The following DTNBP1 variants were observed in gnomAD, a reference collection of about 807,000 sequenced individuals.
DTNBP1 encodes the protein dystrobrevin binding protein 1, also known as dysbindin.
In DTNBP1, 35 loss-of-function variants were observed where a neutral mutation model predicts 42.8. That is an observed-to-expected ratio of 0.82 (90% CI 0.63 to 1.09). The LOEUF (loss-of-function observed/expected upper bound fraction) is 1.09. Ranked by LOEUF, DTNBP1 falls within the 50% of genes least tolerant of loss-of-function variation. The pLI is 0.00. For synonymous variants in DTNBP1, 171 were observed against 162.2 expected, an observed-to-expected ratio of 1.05 and a Z score of -0.41; for missense variants, 457 against 424.2, an observed-to-expected ratio of 1.08 and a Z score of -0.68.
At chr6:15,651,249 A>G (rs1760974457) in intron 3 of DTNBP1, 64 bp downstream of exon 3, 44 of 1,449,900 alleles carry the variant, frequency 3.0e-5, no homozygotes, top group Non-Finnish European at 3.9e-5. Context: ...TACAAAATTA[A>G]AAGATATTTT....
intron 7 of DTNBP1, among the ~76,000 whole-genome samples, chr6:15,551,501 C>A (rs1363602110): frequency 6.6e-6 from 1 of 152,166 alleles, no homozygotes; most frequent in Non-Finnish European, 1.5e-5. Context: ...AGAAGCCATG[C>A]CCTGACTTGT....
At chr6:15,585,698 A>T (rs921756458) in intron 7 of DTNBP1, 27 of 1,534,606 alleles carry the variant, frequency 1.8e-5, no homozygotes, top group Admixed American at 3.9e-5. Context: ...AAGGAAAAAC[A>T]GAAAATAAAG....
chr6:15,639,702 C>T (rs1364102021), intron 3 of DTNBP1, among the ~76,000 whole-genome samples: 6 of 152,212 alleles, frequency 3.9e-5, no homozygotes, highest in Non-Finnish European at 5.9e-5. Flanking sequence ...ACCAGAACTG[C>T]TGAGATATAA....
At position 15,523,168 on chromosome 6, in the gene DTNBP1, G is replaced by A; in HGVS notation, c.863C>T (p.Pro288Leu). 1 of 1,614,236 alleles carries A rather than the reference G, an allele frequency of 6.2e-7. No homozygotes were observed. The highest frequency in any genetic ancestry group is 8.5e-7 in the Non-Finnish European group (1 of 1,180,044). Residue 288 changes from proline (P) to leucine (L), a missense_variant, in exon 10 of 10, where the codon CCC becomes CTC. Coordinates refer to ENST00000344537, the MANE Select transcript of DTNBP1 (RefSeq NM_032122.5). ...AGGTGGCTTGGCTCTTAATTCTGAG[G>A]GATTTGGAACCTGGAGGGTAATCTC... The part of the protein sequence containing the change: ...QNEITLQVPN[P>L]SELRAKPPSS...
rs766488666 is a variant in DTNBP1, at chr6:15,533,314, A to C, written c.593T>G (p.Phe198Cys). The change falls in exon 8 of 10, where the codon TTT becomes TGT. Residue 198 changes from phenylalanine (F) to cysteine (C), a missense_variant. Phe to Cys is a radical substitution (Grantham distance 205, BLOSUM62 -2). Transcript: ENST00000344537. ...GTCCTGCTGGAAGGCTTCCTCAAAA[A>C]ACTTCTGCCGCTCCTTCAGCTTCAT... ...QQMKLKERQK[F>C]FEEAFQQDME... The C allele has an allele frequency of 1.9e-6, 3 of 1,614,018 alleles. No individual in the cohort carries two copies. The highest frequency in any genetic ancestry group is 2.7e-5 in the African/African-American group (2 of 74,898).
At chr6:15,547,660 A>G (rs2113391885) in intron 7 of DTNBP1, among the ~76,000 whole-genome samples, 1 of 152,334 alleles carries the variant, frequency 6.6e-6, no homozygotes, top group Non-Finnish European at 1.5e-5. Flanking sequence ...CTTATGGGTG[A>G]CAATAACGGA....
chr6:15,629,710 C>T (rs999307832), intron 4 of DTNBP1, among the ~76,000 whole-genome samples: 8 of 152,130 alleles, frequency 5.3e-5, no homozygotes, highest in Non-Finnish European at 8.8e-5. Flanking sequence ...CAACTCTATA[C>T]ACTAAGCAAT....
intron 7 of DTNBP1, among the ~76,000 whole-genome samples, chr6:15,586,924 T>G (rs1776102204): frequency 6.6e-6 from 1 of 152,246 alleles, no homozygotes; most frequent in Non-Finnish European, 1.5e-5. Context: ...ACTAGCTCTC[T>G]TCTCGTGCCT....
chr6:15,585,064 AATATATATAT>A (rs59261831), intron 7 of DTNBP1, among the ~76,000 whole-genome samples: 1,579 of 119,494 alleles, frequency 0.013, 90 homozygotes, highest in African/African-American at 0.034. Context: ...TTATGAAAAG[AATATATATAT>A]ATATATATAT....
At chr6:15,652,267 A>C (rs1761044638) in intron 1 of DTNBP1, 127 bp from the exon 2 acceptor site, 1 of 662,388 alleles carries the variant, frequency 1.5e-6, no homozygotes, top group African/African-American at 1.8e-5. Context: ...CTGCAGCCTC[A>C]ATCCTGGGCC....
rs1231349933 is a variant in DTNBP1, at chr6:15,643,838, A to AT, written c.162-6035dup. On this transcript the variant is annotated intron_variant, in intron 3 of 9. Coordinates refer to ENST00000344537, the MANE Select transcript of DTNBP1 (RefSeq NM_032122.5). Reference sequence around the variant, plus strand: ...GATACCTGCTACCATAAAAGCACACATAAGTACAAAACTCAGACCCTATAA... The same window carrying AT: ...GATACCTGCTACCATAAAAGCACACATTAAGTACAAAACTCAGACCCTATAA... 2.6e-5 allele frequency among the ~76,000 whole-genome samples: 4 copies of AT among 152,334 alleles called. No individual in the cohort carries two copies. The East Asian group carries it at 7.7e-4, about 29-fold the overall frequency.
chr6:15,609,702 G>A (rs1489873956), intron 6 of DTNBP1, among the ~76,000 whole-genome samples: 3 of 152,150 alleles, frequency 2.0e-5, no homozygotes, highest in Non-Finnish European at 2.9e-5. Context: ...TATAGTCTAC[G>A]TATTTCAGTT....
At chr6:15,634,534 T>C (rs1280983628) in intron 4 of DTNBP1, among the ~76,000 whole-genome samples, 2 of 152,150 alleles carry the variant, frequency 1.3e-5, no homozygotes, top group East Asian at 3.8e-4. Flanking sequence ...CTCAGGCTGG[T>C]CTCGAACTCC....
At chr6:15,613,024 T>C (rs1467569071) in intron 6 of DTNBP1, among the ~76,000 whole-genome samples, 1 of 150,692 alleles carries the variant, frequency 6.6e-6, no homozygotes, top group African/African-American at 2.5e-5. Context: ...GTCCCTTCTC[T>C]AGGCCAGGCG....
rs145906621 is a variant in DTNBP1, at chr6:15,534,082, G to A, written c.512-687C>T. Among the ~76,000 whole-genome samples the A allele has an allele frequency of 7.1e-3, 1,086 of 152,328 alleles. 9 individuals are homozygous for A. The highest frequency in any genetic ancestry group is 8.4e-3 in the Non-Finnish European group (571 of 68,038). The stretch of plus-strand genomic sequence containing the variant: ...ATGCTGTGTGCTTCCAGCCAGTCGC[G>A]AAAAGGCAAATGCTGTGTGCTTCCA... On this transcript the variant is annotated intron_variant, in intron 7 of 9. Transcript: ENST00000344537.
intron 7 of DTNBP1, among the ~76,000 whole-genome samples, chr6:15,537,025 C>T (rs1773271711): frequency 6.6e-6 from 1 of 152,242 alleles, no homozygotes; most frequent in South Asian, 2.1e-4. Flanking sequence ...TGATCCAATG[C>T]CTGTACACCC....
intron 7 of DTNBP1, among the ~76,000 whole-genome samples, chr6:15,577,380 C>T (rs950614048): frequency 1.3e-5 from 2 of 152,176 alleles, no homozygotes; most frequent in East Asian, 1.9e-4. Flanking sequence ...GGAGGATGCC[C>T]GCACGGCAGC....
rs556951106 is a variant in DTNBP1 at position 15,540,767 on chromosome 6, G to A, written c.512-7372C>T. Among the ~76,000 whole-genome samples the A allele has an allele frequency of 6.6e-5, 10 of 152,122 alleles. No individual in the cohort carries two copies. The South Asian group carries it at 1.9e-3, about 28-fold the overall frequency. Reference sequence around the variant, plus strand: ...CGCCATTCTCCTGCCTCAGCCTCCCGAGTAGCTGGGACTACAGGTGCATGC... The same window carrying A: ...CGCCATTCTCCTGCCTCAGCCTCCCAAGTAGCTGGGACTACAGGTGCATGC... On this transcript the variant is annotated intron_variant, in intron 7 of 9. Coordinates refer to ENST00000344537, the MANE Select transcript of DTNBP1 (RefSeq NM_032122.5).
intron 6 of DTNBP1, among the ~76,000 whole-genome samples, chr6:15,601,676 T>C (rs1486045182): frequency 6.8e-6 from 1 of 147,528 alleles, no homozygotes; most frequent in East Asian, 2.0e-4. Context: ...AAACCCCGTC[T>C]CTACTAAAAA....
Sources: allele counts gnomAD v4.1 joint callset (sites outside exome capture counted in the v4.1 genomes callset), GRCh38; gene constraint gnomAD v4.1.1; transcripts MANE v1.5; gene names NCBI Gene and HGNC (gene_info 2026-07-23, HGNC 2026-07-21).